PPP3CC: variants seen among roughly 807,000 people sequenced by gnomAD.
PPP3CC encodes serine/threonine-protein phosphatase 2B catalytic subunit gamma isoform.
PPP3CC carries 35 observed loss-of-function variants against 60.3 expected under a neutral mutation model. The ratio of observed to expected loss-of-function variants is 0.58; its 90% CI spans 0.44 to 0.77. PPP3CC has a LOEUF of 0.77. PPP3CC is among the 30% of genes least tolerant of loss of function. The pLI is 0.00. For synonymous variants in PPP3CC, 206 were observed against 224.3 expected (o/e 0.92, Z 0.73); for missense variants, 570 against 628.9 (o/e 0.91, Z 1.00).
chr8:22,448,078 T>G (rs985539552), intron 1 of PPP3CC, among the ~76,000 whole-genome samples: 76 of 152,234 alleles, frequency 5.0e-4, no homozygotes, highest in Non-Finnish European at 9.6e-4. Flanking sequence ...CTATGTAACA[T>G]TCTTGCTAAA....
At chr8:22,452,259 C>T (rs1311646196) in intron 1 of PPP3CC, among the ~76,000 whole-genome samples, 1 of 152,088 alleles carries the variant, frequency 6.6e-6, no homozygotes, top group Non-Finnish European at 1.5e-5. Flanking sequence ...AGCCTGGTCT[C>T]AAACTCCTGG....
chr8:22,465,700 G>A (rs1005586645), intron 1 of PPP3CC, among the ~76,000 whole-genome samples: 1 of 152,096 alleles, frequency 6.6e-6, no homozygotes, highest in Non-Finnish European at 1.5e-5. Context: ...AACTATGAAT[G>A]AGTAAATTTC....
chr8:22,506,928 AAATTAATT>A (rs376223389), intron 4 of PPP3CC, among the ~76,000 whole-genome samples: 1 of 150,834 alleles, frequency 6.6e-6, no homozygotes, highest in Non-Finnish European at 1.5e-5. Context: ...TCAAATAAAT[AAATTAATT>A]AATTAATTAA....
intron 6 of PPP3CC, among the ~76,000 whole-genome samples, chr8:22,516,157 C>G (rs1456673606): frequency 2.6e-5 from 4 of 152,046 alleles, no homozygotes; most frequent in Non-Finnish European, 5.9e-5. Flanking sequence ...CCAGGCTGGT[C>G]TTGAAGTCCT....
chr8:22,484,258 TAAAC>T (rs1426476959), intron 3 of PPP3CC, among the ~76,000 whole-genome samples: 6 of 152,184 alleles, frequency 3.9e-5, no homozygotes, highest in Non-Finnish European at 7.3e-5. Flanking sequence ...CTTGTTTACT[TAAAC>T]TAATCAGAAT....
chr8:22,517,439 A>C (rs1839278932), intron 6 of PPP3CC, among the ~76,000 whole-genome samples: 1 of 119,214 alleles, frequency 8.4e-6, no homozygotes, highest in African/African-American at 3.1e-5. Context: ...GATTGGTATT[A>C]ATTCTTTTTT....
At chr8:22,535,591 GCT>G (rs1839827823) in intron 12 of PPP3CC, among the ~76,000 whole-genome samples, 1 of 152,006 alleles carries the variant, frequency 6.6e-6, no homozygotes, top group Non-Finnish European at 1.5e-5. Flanking sequence ...CGGTTGCTGG[GCT>G]CCAGCAATCC....
chr8:22,446,052 C>G (rs900195876), intron 1 of PPP3CC, among the ~76,000 whole-genome samples: 8 of 152,140 alleles, frequency 5.3e-5, no homozygotes, highest in African/African-American at 1.7e-4. Context: ...AGCTTTCTCT[C>G]TTTTATTGCA....
At position 22,441,300 on chromosome 8, in the gene PPP3CC, C is replaced by T. The variant is rs1836658294; in HGVS notation, c.-110C>T. 12 of 1,122,878 alleles carry T rather than the reference C, an allele frequency of 1.1e-5. No individual in the cohort carries two copies. Among genetic ancestry groups the T allele is most frequent in the Non-Finnish European group, 1.1e-5 (9 of 829,736 alleles). The allele number at this position is 1,122,878 out of a possible 1,614,324, so 69.6% of individuals were successfully genotyped here. A position where few individuals can be genotyped will look rare whatever the true frequency, so the allele number is the denominator to read the frequency against. On this transcript the variant is annotated 5_prime_UTR_variant, in exon 1 of 14. It adds an upstream start codon to the 5' untranslated region. Transcript: ENST00000240139. Reference sequence around the variant, plus strand: ...ACCGCTGAGGAGCCGGGGCCGGGCACGGCTGGCTGACGGCTCCGGGCAGCT... The same window carrying T: ...ACCGCTGAGGAGCCGGGGCCGGGCATGGCTGGCTGACGGCTCCGGGCAGCT...
chr8:22,539,378 C>T, intron 12 of PPP3CC, 91 bp from the exon 13 acceptor site: 1 of 1,421,712 alleles, frequency 7.0e-7, no homozygotes, highest in South Asian at 1.2e-5. Flanking sequence ...AAACGGGCCC[C>T]TGGGATGGCT....
At chr8:22,517,154 C>T (rs1839267662) in intron 6 of PPP3CC, among the ~76,000 whole-genome samples, 1 of 152,208 alleles carries the variant, frequency 6.6e-6, no homozygotes, top group Admixed American at 6.5e-5. Context: ...TCACCCAGCA[C>T]ACATGTTCCC....
intron 3 of PPP3CC, among the ~76,000 whole-genome samples, chr8:22,476,302 C>T (rs1004635589): frequency 1.3e-5 from 2 of 152,164 alleles, no homozygotes; most frequent in Non-Finnish European, 2.9e-5. Context: ...ACTCTACATG[C>T]TGGCAAATAA....
At chr8:22,475,693 G>GAA in intron 3 of PPP3CC, 69 bp downstream of exon 3, 2 of 1,403,966 alleles carry the variant, frequency 1.4e-6, no homozygotes, top group Non-Finnish European at 1.9e-6. Flanking sequence ...CCATTCTTCA[G>GAA]TAGAAGAAAT....
intron 4 of PPP3CC, among the ~76,000 whole-genome samples, chr8:22,505,564 C>T (rs1302903812): frequency 1.3e-5 from 2 of 152,138 alleles, no homozygotes; most frequent in Admixed American, 1.3e-4. Flanking sequence ...TTACAAAGCT[C>T]TCCTGTAGGG....
intron 1 of PPP3CC, among the ~76,000 whole-genome samples, chr8:22,471,840 T>C (rs1376637571): frequency 6.6e-6 from 1 of 152,070 alleles, no homozygotes; most frequent in Non-Finnish European, 1.5e-5. Context: ...AAACAAATTT[T>C]TCTTGGCTGG....
intron 4 of PPP3CC, among the ~76,000 whole-genome samples, chr8:22,499,252 A>G (rs1469837108): frequency 1.3e-5 from 2 of 151,304 alleles, no homozygotes; most frequent in African/African-American, 4.8e-5. Flanking sequence ...ATCCTGGCTA[A>G]CAAGGTGAAA....
intron 1 of PPP3CC, among the ~76,000 whole-genome samples, chr8:22,448,987 A>G (rs1024044916): frequency 1.3e-5 from 2 of 152,306 alleles, no homozygotes; most frequent in African/African-American, 2.4e-5. Context: ...GCTCTCGCCT[A>G]TAGTCCCAGC....
At chr8:22,537,253 AGAATT>A (rs1839863918) in intron 12 of PPP3CC, among the ~76,000 whole-genome samples, 1 of 152,242 alleles carries the variant, frequency 6.6e-6, no homozygotes, top group Non-Finnish European at 1.5e-5. Flanking sequence ...AAATGGGTAA[AGAATT>A]GAATTGACAT....
intron 1 of PPP3CC, among the ~76,000 whole-genome samples, chr8:22,451,828 T>C (rs1379610040): frequency 6.6e-6 from 1 of 152,210 alleles, no homozygotes; most frequent in Non-Finnish European, 1.5e-5. Context: ...ATATGAAACA[T>C]AAATGAATTT....
Sources: allele counts gnomAD v4.1 joint callset (sites outside exome capture counted in the v4.1 genomes callset), GRCh38; gene constraint gnomAD v4.1.1; transcripts MANE v1.5; gene names NCBI Gene and HGNC (gene_info 2026-07-23, HGNC 2026-07-21).